The following CHIC2 variants were observed in gnomAD, a reference collection of about 807,000 sequenced individuals.
CHIC2 encodes cysteine-rich hydrophobic domain-containing protein 2.
In CHIC2, 14 loss-of-function variants were observed where a neutral mutation model predicts 25.9. The observed-to-expected ratio is 0.54, with a 90% CI of 0.36 to 0.85. The LOEUF (loss-of-function observed/expected upper bound fraction) is 0.85. Ranked by LOEUF, CHIC2 falls within the 40% of genes least tolerant of loss-of-function variation. The pLI is 0.01. For synonymous variants in CHIC2, 70 were observed against 72.0 expected, an observed-to-expected ratio of 0.97 and a Z score of 0.14; for missense variants, 146 against 202.0, an observed-to-expected ratio of 0.72 and a Z score of 1.68.
At chr4:54,082,432 C>T in the CHIC2 span, among the ~76,000 whole-genome samples, 2 of 152,122 alleles carry the variant, frequency 1.3e-5, no homozygotes, top group Admixed American at 1.3e-4. Context: ...ATAAAGTTGA[C>T]TCAGTCAGAA....
At chr4:54,064,790 C>A (rs1717469968), upstream of CHIC2, 1 of 376,382 alleles carries the variant, frequency 2.7e-6, no homozygotes, top group Non-Finnish European at 3.7e-6. This position sits in a 1 kb window ranked among gnomAD's most constrained non-coding sequence, Gnocchi z 4.2. Context: ...CTGCTTCTAC[C>A]CGCAGACGGC....
At chr4:54,021,997 T>C (rs1017122184) in intron 3 of CHIC2, among the ~76,000 whole-genome samples, 45 of 152,190 alleles carry the variant, frequency 3.0e-4, no homozygotes, top group African/African-American at 8.7e-4. Flanking sequence ...CCCAGCTACA[T>C]TGCCAGCACA....
At chr4:54,087,323 G>T in the CHIC2 span, 1 of 572,820 alleles carries the variant, frequency 1.7e-6, no homozygotes, top group South Asian at 2.5e-5. Flanking sequence ...ATGGCTTGCT[G>T]GGGACTGGAA....
intron 3 of CHIC2, among the ~76,000 whole-genome samples, chr4:54,026,722 GTTT>G (rs1423082234): frequency 1.3e-5 from 2 of 151,958 alleles, no homozygotes; most frequent in African/African-American, 4.8e-5. Context: ...AACTCTGACA[GTTT>G]TTGTCTTTTA....
chr4:54,041,108 G>T (rs536217425), intron 3 of CHIC2, among the ~76,000 whole-genome samples: 2 of 151,750 alleles, frequency 1.3e-5, no homozygotes, highest in African/African-American at 4.8e-5. Flanking sequence ...TAGAGATGGG[G>T]TTTCACCATG....
the CHIC2 span, among the ~76,000 whole-genome samples, chr4:54,076,442 T>C: frequency 6.6e-6 from 1 of 152,006 alleles, no homozygotes; most frequent in Non-Finnish European, 1.5e-5. Flanking sequence ...AAGGAAAAAA[T>C]ATAAGCAATG....
At chr4:54,016,851 A>G (rs1715754370) in intron 3 of CHIC2, among the ~76,000 whole-genome samples, 1 of 152,050 alleles carries the variant, frequency 6.6e-6, no homozygotes, top group Admixed American at 6.6e-5. Flanking sequence ...TAAAAAAAAA[A>G]GGAAAGAAAC....
At chr4:54,030,277 G>C (rs976519987) in intron 3 of CHIC2, among the ~76,000 whole-genome samples, 4 of 152,024 alleles carry the variant, frequency 2.6e-5, no homozygotes, top group African/African-American at 9.7e-5. Context: ...CAGCACTTTG[G>C]GAGGCCGAGG....
the CHIC2 span, chr4:54,087,628 G>T: frequency 1.6e-6 from 1 of 615,508 alleles, no homozygotes; most frequent in Non-Finnish European, 2.6e-6. Context: ...AAGAATAGGA[G>T]AAATGTTGGC....
chr4:54,045,134 C>T (rs185365572), intron 3 of CHIC2, among the ~76,000 whole-genome samples: 1 of 152,088 alleles, frequency 6.6e-6, no homozygotes, highest in Non-Finnish European at 1.5e-5. Context: ...CAATAACAGG[C>T]TCTGAAATTG....
chr4:54,024,012 C>T (rs960866557), intron 3 of CHIC2, among the ~76,000 whole-genome samples: 8 of 152,280 alleles, frequency 5.3e-5, no homozygotes, highest in South Asian at 2.1e-4. Context: ...TTCAGGGCAA[C>T]GCTTATGCTG....
intron 3 of CHIC2, among the ~76,000 whole-genome samples, chr4:54,023,192 C>T (rs995318470): frequency 1.3e-5 from 2 of 152,146 alleles, no homozygotes; most frequent in Non-Finnish European, 2.9e-5. Context: ...CTGGGCTCTG[C>T]GGTCAAAATT....
intron 3 of CHIC2, among the ~76,000 whole-genome samples, chr4:54,033,267 T>C (rs1422315051): frequency 2.6e-5 from 4 of 152,226 alleles, no homozygotes; most frequent in African/African-American, 9.6e-5. Flanking sequence ...GTTATCATTA[T>C]GGTTTTAATC....
the CHIC2 span, among the ~76,000 whole-genome samples, chr4:54,080,277 A>G: frequency 6.6e-6 from 1 of 151,906 alleles, no homozygotes; most frequent in Non-Finnish European, 1.5e-5. Context: ...TGCTAAGTGA[A>G]ATAAGACAGA....
At chr4:54,067,382 A>G (rs1042543597), upstream of CHIC2, among the ~76,000 whole-genome samples, 22 of 151,904 alleles carry the variant, frequency 1.4e-4, no homozygotes, top group African/African-American at 5.3e-4. Flanking sequence ...TGTGGGACCT[A>G]GGAAGAAGGC....
chr4:54,069,902 CAGCCCCTGCCTTTGTG>C, the CHIC2 span, among the ~76,000 whole-genome samples: 1 of 152,188 alleles, frequency 6.6e-6, no homozygotes, highest in Non-Finnish European at 1.5e-5. Context: ...AAACCAAACA[CAGCCCCTGCCTTTGTG>C]AGCATGAAGT....
At chr4:54,020,314 T>C (rs755896278) in intron 3 of CHIC2, among the ~76,000 whole-genome samples, 3 of 152,192 alleles carry the variant, frequency 2.0e-5, no homozygotes, top group Non-Finnish European at 4.4e-5. Context: ...ATGTACTTTG[T>C]TAGATCCACC....
At chr4:54,023,615 C>A (rs989681197) in intron 3 of CHIC2, among the ~76,000 whole-genome samples, 1 of 152,140 alleles carries the variant, frequency 6.6e-6, no homozygotes, top group Non-Finnish European at 1.5e-5. Context: ...CCTGATCACA[C>A]TCAGTTTATT....
chr4:54,010,422 T>C (rs564211610), intron 5 of CHIC2, among the ~76,000 whole-genome samples: 1 of 152,142 alleles, frequency 6.6e-6, no homozygotes, highest in Non-Finnish European at 1.5e-5. Context: ...AAGGGTGATA[T>C]AGATAGTGCC....
Sources: allele counts gnomAD v4.1 joint callset (sites outside exome capture counted in the v4.1 genomes callset), GRCh38; gene constraint gnomAD v4.1.1; non-coding constraint Gnocchi (gnomAD v3.1); transcripts MANE v1.5; gene names NCBI Gene and HGNC (gene_info 2026-07-23, HGNC 2026-07-21).